Variants in EPS15 observed in about 807,000 individuals in gnomAD.
EPS15 encodes the protein epidermal growth factor receptor pathway substrate 15, also known as epidermal growth factor receptor substrate 15.
In EPS15, 72 loss-of-function variants were observed where a neutral mutation model predicts 113.8. The observed-to-expected ratio is 0.63, with a 90% CI of 0.52 to 0.77. EPS15 has a LOEUF of 0.77. Ranked by LOEUF, EPS15 falls within the 30% of genes least tolerant of loss-of-function variation. The pLI is 0.00. For missense variants in EPS15, 1,048 were observed against 1,045.8 expected, an observed-to-expected ratio of 1.00 and a Z score of -0.03; for synonymous variants, 344 against 363.4, an observed-to-expected ratio of 0.95 and a Z score of 0.61.
At chr1:51,492,751 CTT>C (rs373582450) in intron 1 of EPS15, among the ~76,000 whole-genome samples, 87 of 152,294 alleles carry the variant, frequency 5.7e-4, no homozygotes, top group African/African-American at 2.0e-3. Context: ...GAAGCATGAT[CTT>C]TAAGCATGAA....
Position 51,508,213 on chromosome 1 carries a change from GAAAAGAAAAGAAAAGAAAAGAAA to G in EPS15, c.33+10963_33+10985del, listed in dbSNP as rs1264321019. Among the ~76,000 whole-genome samples the G allele has an allele frequency of 2.6e-3, 225 of 87,818 alleles. 1 individual carries two copies. The highest frequency in any genetic ancestry group is 9.4e-3 in the African/African-American group (214 of 22,796). 57.6% of individuals were successfully genotyped at this position (87,818 alleles called of 152,430 possible). Reference sequence around the variant, plus strand: ...GAAAAGAAAAGAAAAGAAAAGAAAAGAAAAGAAAAGAAAAGAAAAGAAAAGAAAGAGAGAAAGAGAGAGAGAGA... The same window carrying G: ...GAAAAGAAAAGAAAAGAAAAGAAAAGAGAAAGAGAGAAAGAGAGAGAGAGA... On this transcript the variant is annotated intron_variant, in intron 1 of 24. Coordinates refer to ENST00000371733, the MANE Select transcript of EPS15 (RefSeq NM_001981.3).
At chr1:51,466,450 C>A (rs1181547246) in intron 5 of EPS15, among the ~76,000 whole-genome samples, 2 of 151,224 alleles carry the variant, frequency 1.3e-5, no homozygotes, top group Non-Finnish European at 2.9e-5. Flanking sequence ...GGTGAAAAAC[C>A]ATCTCTACCA....
At chr1:51,390,683 A>G (rs1360205155) in intron 21 of EPS15, among the ~76,000 whole-genome samples, 1 of 152,220 alleles carries the variant, frequency 6.6e-6, no homozygotes, top group Non-Finnish European at 1.5e-5. Flanking sequence ...TCCAAAGAAG[A>G]CATTTATGCA....
At position 51,355,953 on chromosome 1, in the gene EPS15, TA is replaced by T. The variant is rs1380754081; in HGVS notation, c.*746del. On this transcript the variant is annotated 3_prime_UTR_variant, in exon 25 of 25. Transcript: ENST00000371733. ...AAAATGAACATTTTCTTACAAACTT[TA>T]TTTGTAAGAAACTGATTTTTATTAA... The T allele has an allele frequency of 5.2e-6, 1 of 191,542 alleles. No homozygotes were observed. Among genetic ancestry groups the T allele is most frequent in the Non-Finnish European group, 1.1e-5 (1 of 91,538 alleles). The allele number at this position is 191,542 out of a possible 1,614,324, so 11.9% of individuals were successfully genotyped here.
intron 1 of EPS15, among the ~76,000 whole-genome samples, chr1:51,485,751 A>C (rs938158621): frequency 6.6e-6 from 1 of 152,174 alleles, no homozygotes; most frequent in African/African-American, 2.4e-5. Context: ...ACGAGATTTC[A>C]TTTTGAAATT....
At chr1:51,511,257 G>A (rs1007778090) in intron 1 of EPS15, among the ~76,000 whole-genome samples, 5 of 152,090 alleles carry the variant, frequency 3.3e-5, no homozygotes, top group African/African-American at 1.2e-4. Context: ...ACTTTGGGAG[G>A]CCAAGGCAGG....
At chr1:51,483,398 AGTGTGTGTGTGTGTGTGTGT>A (rs58892404) in intron 1 of EPS15, among the ~76,000 whole-genome samples, 2 of 141,694 alleles carry the variant, frequency 1.4e-5, no homozygotes, top group Non-Finnish European at 3.1e-5. Flanking sequence ...CAAGACTGCA[AGTGTGTGTGTGTGTGTGTGT>A]GTGTGTGTGT....
At chr1:51,431,145 T>C (rs1570289535) in intron 12 of EPS15, among the ~76,000 whole-genome samples, 1 of 152,316 alleles carries the variant, frequency 6.6e-6, no homozygotes, top group East Asian at 1.9e-4. Context: ...CCTCTATTTA[T>C]AGTTTGCTGG....
chr1:51,474,856 G>A (rs565532972), intron 2 of EPS15, among the ~76,000 whole-genome samples: 7 of 105,672 alleles, frequency 6.6e-5, no homozygotes, highest in Admixed American at 5.8e-4. Context: ...AAAAGGCCAC[G>A]GTGTGTGATG....
At position 51,399,100 on chromosome 1, in the gene EPS15, A is replaced by G; in HGVS notation, c.1984T>C (p.Ser662Pro). 1.9e-6 allele frequency: 3 copies of G among 1,613,958 alleles called. No homozygotes were observed. The highest frequency in any genetic ancestry group is 2.5e-6 in the Non-Finnish European group (3 of 1,179,786). Residue 662 changes from serine to proline, a missense_variant, in exon 20 of 25, where the codon TCT (serine) becomes CCT (proline). Coordinates refer to ENST00000371733, the MANE Select transcript of EPS15 (RefSeq NM_001981.3). Reference protein sequence around the residue: ...PFASDCFFRQSTDPFATSSTD... With the variant: ...PFASDCFFRQPTDPFATSSTD... ...CTTGAAGTGGCAAAAGGATCAGTAG[A>G]TTGCCTGAAGAAACAGTCTGATGCA... is the stretch of plus-strand genomic sequence containing the variant.
chr1:51,388,232 A>G (rs1212059554), intron 21 of EPS15, among the ~76,000 whole-genome samples: 4 of 152,362 alleles, frequency 2.6e-5, no homozygotes, highest in African/African-American at 9.6e-5. Flanking sequence ...TGGGTACATA[A>G]CGAAATGAAG....
chr1:51,359,443 T>TAAA (rs148380501), intron 24 of EPS15, among the ~76,000 whole-genome samples: 2,401 of 103,960 alleles, frequency 0.023, 22 homozygotes, highest in Middle Eastern at 0.085. Context: ...ACTCTGTCTT[T>TAAA]AAAAAAAAAA....
At chr1:51,377,818 G>A (rs1179508820) in intron 21 of EPS15, among the ~76,000 whole-genome samples, 2 of 151,716 alleles carry the variant, frequency 1.3e-5, no homozygotes, top group Non-Finnish European at 2.9e-5. Context: ...TTGATCAGTC[G>A]GCAGCCACCA....
intron 12 of EPS15, among the ~76,000 whole-genome samples, chr1:51,439,984 C>T (rs558299389): frequency 4.8e-4 from 73 of 152,144 alleles, no homozygotes; most frequent in African/African-American, 1.8e-3. Context: ...TGGAGAAAAA[C>T]TATTTTTCAG....
Position 51,511,091 on chromosome 1 carries a change from G to A in EPS15, c.33+8108C>T, listed in dbSNP as rs373449710. ...TGAGGCAGGAGAATCATTTGAACTC[G>A]GGAGGCAGAGGTTACAGTGAGCCGA... On this transcript the variant is annotated intron_variant, in intron 1 of 24. Transcript: ENST00000371733. 1.3e-3 allele frequency among the ~76,000 whole-genome samples: 187 copies of A among 149,302 alleles called. 1 individual carries two copies. The South Asian group carries it at 0.02, about 16-fold the overall frequency.
intron 21 of EPS15, among the ~76,000 whole-genome samples, chr1:51,379,880 G>A (rs1226623199): frequency 2.6e-5 from 4 of 151,982 alleles, no homozygotes; most frequent in South Asian, 2.1e-4. Context: ...TGGCAAACAC[G>A]GTGAGACTCC....
intron 12 of EPS15, among the ~76,000 whole-genome samples, chr1:51,428,100 AG>A (rs1651379390): frequency 6.6e-6 from 1 of 151,860 alleles, no homozygotes; most frequent in African/African-American, 2.4e-5. Flanking sequence ...AAGTGCTGGA[AG>A]GAAAAAAAAA....
At chr1:51,494,869 G>T (rs1175137703) in intron 1 of EPS15, among the ~76,000 whole-genome samples, 1 of 152,190 alleles carries the variant, frequency 6.6e-6, no homozygotes, top group African/African-American at 2.4e-5. Context: ...AATTATATCT[G>T]CATCAATGTT....
chr1:51,451,533 AAAG>A (rs1653569188), intron 8 of EPS15, among the ~76,000 whole-genome samples: 1 of 151,116 alleles, frequency 6.6e-6, no homozygotes, highest in South Asian at 2.1e-4. Flanking sequence ...AAAGAAAAAA[AAAG>A]AAATTCTAAG....
Sources: allele counts gnomAD v4.1 joint callset (sites outside exome capture counted in the v4.1 genomes callset), GRCh38; gene constraint gnomAD v4.1.1; transcripts MANE v1.5; gene names NCBI Gene and HGNC (gene_info 2026-07-23, HGNC 2026-07-21).